Variants in PCDH11X observed in about 807,000 individuals in gnomAD.
PCDH11X encodes protocadherin-11 X-linked.
PCDH11X carries 18 observed loss-of-function variants against 53.3 expected under a neutral mutation model. The observed-to-expected ratio is 0.34, with a 90% CI of 0.23 to 0.50. PCDH11X has a LOEUF of 0.50. Ranked by LOEUF, PCDH11X falls within the 20% of genes least tolerant of loss-of-function variation. The pLI is 0.98. For missense variants in PCDH11X, 570 were observed against 1,032.4 expected, an observed-to-expected ratio of 0.55 and a Z score of 6.14; for synonymous variants, 279 against 393.3, an observed-to-expected ratio of 0.71 and a Z score of 3.44.
Position 92,485,646 on chromosome X carries a change from G to C in PCDH11X, c.3367+17324G>C, listed in dbSNP as rs2073626385. On this transcript the variant is annotated intron_variant, in intron 10 of 10. Transcript: ENST00000682573. The stretch of plus-strand genomic sequence containing the variant: ...AGAAGAAACATTTCTTACTAGAAAA[G>C]AACATCTTGTAGTTCTCGAAACTCA... Among the ~76,000 whole-genome samples the C allele has an allele frequency of 3.6e-5, 4 of 111,913 alleles. No homozygotes were observed. In the South Asian group the frequency reaches 1.5e-3, roughly 41 times the overall value.
chrX:92,175,781 T>C (rs373860564), intron 6 of PCDH11X, among the ~76,000 whole-genome samples: 32,520 of 80,789 alleles, frequency 0.4, 4,762 homozygotes, highest in Non-Finnish European at 0.47. Flanking sequence ...TGTGTGTATA[T>C]ATATACACAC....
At chrX:91,784,206 A>G (rs1935256750) in intron 1 of PCDH11X, among the ~76,000 whole-genome samples, 1 of 104,998 alleles carries the variant, frequency 9.5e-6, no homozygotes. Flanking sequence ...GATAGCACAC[A>G]GTAGAAATAT....
chrX:92,108,584 G>A (rs1306605923), intron 6 of PCDH11X, among the ~76,000 whole-genome samples: 1 of 111,102 alleles, frequency 9.0e-6, no homozygotes, highest in African/African-American at 3.3e-5. Context: ...ATAATATAAT[G>A]CAGACTACTC....
chrX:92,530,055 T>G (rs1602264901), intron 10 of PCDH11X, among the ~76,000 whole-genome samples: 1 of 106,100 alleles, frequency 9.4e-6, no homozygotes, highest in East Asian at 3.0e-4. Context: ...TGATTCAAAA[T>G]ACTCTGATGA....
chrX:92,334,655 T>G (rs1190896152), intron 8 of PCDH11X, among the ~76,000 whole-genome samples: 2 of 111,495 alleles, frequency 1.8e-5, no homozygotes, highest in Non-Finnish European at 3.8e-5. Flanking sequence ...GTTGAATTGC[T>G]TGCCATGTGC....
At chrX:92,211,195 G>C (rs1047025107) in intron 7 of PCDH11X, among the ~76,000 whole-genome samples, 1 of 111,768 alleles carries the variant, frequency 8.9e-6, no homozygotes, top group Non-Finnish European at 1.9e-5. Flanking sequence ...ACAGGCTTCT[G>C]CTTCTGGGGA....
chrX:92,615,430 G>T (rs1031229151), intron 10 of PCDH11X, among the ~76,000 whole-genome samples: 3 of 111,645 alleles, frequency 2.7e-5, no homozygotes, highest in African/African-American at 6.5e-5. Flanking sequence ...GTCAGTTTCA[G>T]GTTGCCAGCT....
At chrX:91,987,547 T>C (rs1306707397) in intron 6 of PCDH11X, among the ~76,000 whole-genome samples, 1 of 111,675 alleles carries the variant, frequency 9.0e-6, no homozygotes, top group Non-Finnish European at 1.9e-5. Flanking sequence ...AGGTTGGTAT[T>C]TTTTAAAGTT....
At chrX:92,536,750 C>T (rs2750946) in intron 10 of PCDH11X, among the ~76,000 whole-genome samples, 4 of 103,004 alleles carry the variant, frequency 3.9e-5, no homozygotes, top group Admixed American at 1.1e-4. Flanking sequence ...CTTGACCTCT[C>T]GGGATCAAGC....
intron 7 of PCDH11X, among the ~76,000 whole-genome samples, chrX:92,234,127 T>A (rs2148374688): frequency 8.9e-6 from 1 of 112,404 alleles, no homozygotes; most frequent in African/African-American, 3.2e-5. Flanking sequence ...TAGAAAATGA[T>A]GTTCTTTTAA....
At chrX:92,219,643 A>G (rs1302053054) in intron 7 of PCDH11X, among the ~76,000 whole-genome samples, 1 of 93,373 alleles carries the variant, frequency 1.1e-5, no homozygotes, top group Non-Finnish European at 2.1e-5. Flanking sequence ...TATAGATTCA[A>G]TGCCATCCCC....
At chrX:91,845,875 T>G (rs113575717) in intron 5 of PCDH11X, among the ~76,000 whole-genome samples, 6,390 of 109,515 alleles carry the variant, frequency 0.058, 505 homozygotes, top group African/African-American at 0.2. Flanking sequence ...TCTCTTTAGC[T>G]CTTAGAAATT....
At chrX:92,132,028 T>C (rs1323867028) in intron 6 of PCDH11X, among the ~76,000 whole-genome samples, 1 of 104,696 alleles carries the variant, frequency 9.6e-6, no homozygotes, top group African/African-American at 3.5e-5. Flanking sequence ...TCCCAGCACT[T>C]TGGGAGGCCG....
chrX:92,185,603 G>C (rs4532751), intron 6 of PCDH11X, among the ~76,000 whole-genome samples: 55,566 of 110,008 alleles, frequency 0.51, 10,620 homozygotes, highest in Non-Finnish European at 0.6. Context: ...TATTTGCAAA[G>C]TATTCGCCAA....
intron 6 of PCDH11X, among the ~76,000 whole-genome samples, chrX:92,197,267 A>G (rs2066307225): frequency 9.0e-6 from 1 of 111,413 alleles, no homozygotes; most frequent in Non-Finnish European, 1.9e-5. Flanking sequence ...AAGGCATGTC[A>G]GGAGAAAAGA....
intron 7 of PCDH11X, among the ~76,000 whole-genome samples, chrX:92,247,556 T>C (rs901967453): frequency 6.3e-5 from 7 of 111,553 alleles, no homozygotes; most frequent in African/African-American, 2.3e-4. Flanking sequence ...TCAGGTGTTC[T>C]CAGAGCCGTG....
rs746330201 is a variant in PCDH11X at position 92,126,662 on chromosome X, C to T, written c.3034-74713C>T. Among the ~76,000 whole-genome samples, 7 of 108,183 alleles carry T rather than the reference C, an allele frequency of 6.5e-5. No individual in the cohort carries two copies. The East Asian group carries it at 2.0e-3, about 31-fold the overall frequency. The allele number at this position is 108,183 out of a possible 115,157, so 93.9% of individuals were successfully genotyped here. ...ATTAAAATAAATTTTAAAAAAATCT[C>T]TTTTTTGATTTTAAATAAATTTTTT... is the stretch of plus-strand genomic sequence containing the variant. On this transcript the variant is annotated intron_variant, in intron 6 of 10. Coordinates refer to ENST00000682573, the MANE Select transcript of PCDH11X (RefSeq NM_032968.5).
intron 6 of PCDH11X, among the ~76,000 whole-genome samples, chrX:92,109,257 G>T (rs1190598797): frequency 9.0e-6 from 1 of 110,880 alleles, no homozygotes; most frequent in African/African-American, 3.3e-5. Context: ...TGTAGTCCCA[G>T]CTACTCTGGA....
At chrX:91,847,852 A>C (rs1205535844) in intron 5 of PCDH11X, among the ~76,000 whole-genome samples, 2 of 112,241 alleles carry the variant, frequency 1.8e-5, no homozygotes, top group Non-Finnish European at 3.8e-5. Context: ...AACAGGCATA[A>C]TTGCATTTAG....
Sources: gnomAD v4.1 joint callset for allele counts (sites outside exome capture counted in the v4.1 genomes callset) on GRCh38, gnomAD v4.1.1 for gene constraint, MANE v1.5 for transcripts, NCBI Gene and HGNC (gene_info 2026-07-23, HGNC 2026-07-21) for gene names.